Variants in AFF2 observed in about 807,000 individuals in gnomAD.
AFF2 encodes AF4/FMR2 family member 2.
In AFF2, 14 loss-of-function variants were observed where a neutral mutation model predicts 76.9. That is an observed-to-expected ratio of 0.18 (90% confidence interval 0.12 to 0.28). AFF2 has a LOEUF of 0.28. Among genes scored for constraint, AFF2 ranks in the 10% least tolerant of loss-of-function variants. The probability of loss-of-function intolerance (pLI) is 1.00; values close to 1 mark genes in which losing one functional copy is unlikely to be tolerated. For synonymous variants in AFF2, 398 were observed against 366.7 expected, an observed-to-expected ratio of 1.09 and a Z score of -0.98; for missense variants, 868 against 1,001.1, an observed-to-expected ratio of 0.87 and a Z score of 1.79.
chrX:148,806,914 C>T (rs2070143399), intron 3 of AFF2, among the ~76,000 whole-genome samples: 1 of 112,453 alleles, frequency 8.9e-6, no homozygotes, highest in African/African-American at 3.2e-5. Context: ...AGGAAAAGCA[C>T]TTGCGGTTCA....
intron 1 of AFF2, among the ~76,000 whole-genome samples, chrX:148,571,398 C>T (rs1255858049): frequency 9.0e-6 from 1 of 111,594 alleles, no homozygotes; most frequent in African/African-American, 3.3e-5. Context: ...CTGGTCTCTA[C>T]TCTGCACCAC....
At chrX:148,664,438 C>T (rs1313365089) in intron 3 of AFF2, among the ~76,000 whole-genome samples, 1 of 111,453 alleles carries the variant, frequency 9.0e-6, no homozygotes, top group Non-Finnish European at 1.9e-5. Flanking sequence ...CCTCCCTTGT[C>T]TTCCTGGTAA....
At chrX:148,771,156 A>G (rs1026244360) in intron 3 of AFF2, among the ~76,000 whole-genome samples, 14 of 111,879 alleles carry the variant, frequency 1.3e-4, no homozygotes, top group African/African-American at 4.2e-4. Flanking sequence ...AAGCCCGCAT[A>G]TGGATTCCTC....
At chrX:148,704,364 G>GTGTGTATATGTATATTTATATATA in intron 3 of AFF2, among the ~76,000 whole-genome samples, 1 of 10,602 alleles carries the variant, frequency 9.4e-5, no homozygotes, top group African/African-American at 3.6e-4. Context: ...ATATATATAT[G>GTGTGTATATGTATATTTATATATA]TGTGTATATA....
chrX:148,770,605 G>T (rs1315765777), intron 3 of AFF2, among the ~76,000 whole-genome samples: 1 of 111,671 alleles, frequency 9.0e-6, no homozygotes, highest in African/African-American at 3.3e-5. Flanking sequence ...CTATTGATAA[G>T]TGGGAGGGAT....
chrX:148,918,125 C>G (rs1434129763), intron 9 of AFF2, among the ~76,000 whole-genome samples: 4 of 112,060 alleles, frequency 3.6e-5, no homozygotes, highest in Non-Finnish European at 7.5e-5. Flanking sequence ...GTCATGTTAT[C>G]CAGGTTAGCA....
At chrX:148,750,024 A>G (rs2055477683) in intron 3 of AFF2, among the ~76,000 whole-genome samples, 1 of 108,716 alleles carries the variant, frequency 9.2e-6, no homozygotes, top group African/African-American at 3.4e-5. Context: ...CTGGAGTGCA[A>G]TGGTGAAGTC....
intron 3 of AFF2, among the ~76,000 whole-genome samples, chrX:148,683,302 C>T (rs1314444217): frequency 2.7e-5 from 3 of 112,290 alleles, no homozygotes; most frequent in African/African-American, 9.7e-5. Flanking sequence ...CATACATCTT[C>T]AGTAGAGCTC....
intron 19 of AFF2, among the ~76,000 whole-genome samples, chrX:148,985,451 G>A (rs2072459765): frequency 9.2e-6 from 1 of 108,547 alleles, no homozygotes; most frequent in Non-Finnish European, 1.9e-5. Context: ...ACAGGCACAC[G>A]TCACATGCCT....
At chrX:148,742,115 G>T (rs1158004386) in intron 3 of AFF2, among the ~76,000 whole-genome samples, 2 of 111,732 alleles carry the variant, frequency 1.8e-5, no homozygotes, top group African/African-American at 6.5e-5. Context: ...GCTAGCCTCT[G>T]CATGCTGCTC....
chrX:148,768,726 T>C (rs1045722060), intron 3 of AFF2, among the ~76,000 whole-genome samples: 1 of 112,152 alleles, frequency 8.9e-6, no homozygotes, highest in Non-Finnish European at 1.9e-5. Flanking sequence ...AAACAGCATT[T>C]TGGGATCATT....
intron 7 of AFF2, among the ~76,000 whole-genome samples, chrX:148,878,342 A>G (rs1272807938): frequency 9.0e-6 from 1 of 111,540 alleles, no homozygotes; most frequent in Non-Finnish European, 1.9e-5. Context: ...CCAATTCTGA[A>G]ATGTCTCTAG....
At chrX:148,694,837 AT>A (rs2054696215) in intron 3 of AFF2, among the ~76,000 whole-genome samples, 1 of 70,664 alleles carries the variant, frequency 1.4e-5, no homozygotes, top group Non-Finnish European at 2.5e-5. Flanking sequence ...TTTTTTTGAG[AT>A]GGAGTCTCGC....
chrX:148,801,792 C>A (rs1569555747), intron 3 of AFF2, among the ~76,000 whole-genome samples: 1 of 111,695 alleles, frequency 9.0e-6, no homozygotes, highest in East Asian at 2.8e-4. Context: ...CACATCACCA[C>A]TTTATATTAT....
chrX:148,561,602 C>T (rs981123540), intron 1 of AFF2, among the ~76,000 whole-genome samples: 4 of 111,360 alleles, frequency 3.6e-5, no homozygotes, highest in Admixed American at 9.5e-5. Flanking sequence ...GTGGGCTTCT[C>T]TTTCCAGATG....
intron 1 of AFF2, among the ~76,000 whole-genome samples, chrX:148,650,176 G>A (rs5980564): frequency 0.2 from 21,613 of 110,133 alleles, 1,551 homozygotes; most frequent in Non-Finnish European, 0.21. Context: ...GTTGAGGTAC[G>A]GTCACAAGCG....
intron 1 of AFF2, among the ~76,000 whole-genome samples, chrX:148,582,807 A>G (rs2091253512): frequency 8.9e-6 from 1 of 112,361 alleles, no homozygotes; most frequent in African/African-American, 3.2e-5. Context: ...TTATAGCAGA[A>G]CTAATCACAA....
At chrX:148,802,314 G>A (rs1235776300) in intron 3 of AFF2, among the ~76,000 whole-genome samples, 2 of 111,345 alleles carry the variant, frequency 1.8e-5, no homozygotes, top group East Asian at 2.8e-4. Flanking sequence ...AGATAATGAT[G>A]TGTGTGTGTG....
intron 9 of AFF2, among the ~76,000 whole-genome samples, chrX:148,913,944 C>T (rs1311907345): frequency 1.8e-5 from 2 of 112,377 alleles, no homozygotes; most frequent in Non-Finnish European, 3.8e-5. Context: ...GCTCTTTTAA[C>T]AAACAATAAT....
Sources: allele counts gnomAD v4.1 joint callset (sites outside exome capture counted in the v4.1 genomes callset), GRCh38; gene constraint gnomAD v4.1.1; transcripts MANE v1.5; gene names NCBI Gene and HGNC (gene_info 2026-07-23, HGNC 2026-07-21).